ZNF638: variants seen among roughly 807,000 people sequenced by gnomAD.
ZNF638 encodes the protein CTCL tumor antigen se33-1.
ZNF638 carries 46 observed loss-of-function variants against 195.6 expected under a neutral mutation model. The ratio of observed to expected loss-of-function variants is 0.24; its 90% CI spans 0.19 to 0.30. The LOEUF (loss-of-function observed/expected upper bound fraction) is 0.30, where lower values mean the gene tolerates loss of function less well. Ranked by LOEUF, ZNF638 falls within the 10% of genes least tolerant of loss-of-function variation. The pLI is 1.00. For missense variants in ZNF638, 2,440 were observed against 2,325.3 expected, an observed-to-expected ratio of 1.05 and a Z score of -1.01; for synonymous variants, 845 against 772.0, an observed-to-expected ratio of 1.09 and a Z score of -1.57.
chr2:71,345,987 T>C (rs1350292093), intron 1 of ZNF638, among the ~76,000 whole-genome samples: 1 of 152,220 alleles, frequency 6.6e-6, no homozygotes, highest in Non-Finnish European at 1.5e-5. Flanking sequence ...AAATGTGTAC[T>C]TGAATCATTG....
At position 71,426,516 on chromosome 2, in the gene ZNF638, A is replaced by C; in HGVS notation, c.4647A>C (p.Glu1549Asp). The C allele has an allele frequency of 6.2e-7, 1 of 1,610,332 alleles. No individual in the cohort carries two copies. The highest frequency in any genetic ancestry group is 2.2e-5 in the East Asian group (1 of 44,862). Residue 1549 changes from glutamate to aspartate, a missense_variant, in exon 24 of 28, where the codon GAA becomes GAC. Glu to Asp is a conservative substitution (Grantham distance 45, BLOSUM62 2). This residue lies in a region of ZNF638 where 1,883 missense variants were observed against 1,739.1 expected (regional missense o/e 1.08). Coordinates refer to ENST00000264447, the MANE Select transcript of ZNF638 (RefSeq NM_014497.5). Reference protein sequence around the residue: ...DEFVTVDEVIEEVNPSQAKQN... With the variant: ...DEFVTVDEVIDEVNPSQAKQN... ...TTGTTACTGTGGATGAGGTTATAGA[A>C]GAAGTGAATCCTTCTCAGGCCAAGC...
intron 25 of ZNF638, chr2:71,428,872 T>A (rs1253345233): frequency 2.7e-6 from 1 of 366,640 alleles, no homozygotes; most frequent in African/African-American, 2.1e-5. Context: ...GAAATGATCC[T>A]CGAAAGGTTT....
chr2:71,401,994 G>C lies in ZNF638; in HGVS notation c.2736G>C (p.Leu912Phe), dbSNP rs1427741872. 1.2e-6 allele frequency: 2 copies of C among 1,600,994 alleles called. No individual in the cohort carries two copies. The highest frequency in any genetic ancestry group is 1.7e-6 in the Non-Finnish European group (2 of 1,171,790). Residue 912 changes from leucine to phenylalanine, a missense_variant, in exon 16 of 28, where the codon TTG becomes TTC. By Grantham distance (22) the Leu-to-Phe change is conservative. This residue lies in a region of ZNF638 where 1,883 missense variants were observed against 1,739.1 expected (regional missense o/e 1.08). Coordinates refer to ENST00000264447, the MANE Select transcript of ZNF638 (RefSeq NM_014497.5). Reference sequence around the variant, plus strand: ...TGTGTGTGATGCTTGTCTCTAATTTGCCTAATAAAGGATATTCTGTAGAAG... The same window carrying C: ...TGTGTGTGATGCTTGTCTCTAATTTCCCTAATAAAGGATATTCTGTAGAAG... Reference protein sequence around the residue: ...EEMCVMLVSNLPNKGYSVEEV... With the variant: ...EEMCVMLVSNFPNKGYSVEEV...
At chr2:71,422,749 TC>T (rs1245253600) in intron 21 of ZNF638, 64 bp from the exon 22 acceptor site, 1 of 1,501,596 alleles carries the variant, frequency 6.7e-7, no homozygotes, top group African/African-American at 1.4e-5. Context: ...TGAATTCTCA[TC>T]ATAGTTTGAT....
chr2:71,423,183 G>T lies in ZNF638; in HGVS notation c.3669G>T (p.Leu1223Phe). Residue 1223 changes from leucine (L) to phenylalanine (F), a missense_variant, in exon 22 of 28, where the codon TTG becomes TTT. Transcript: ENST00000264447. ...AAATTATTAACCCTAAAACAGCATT[G>T]TTACCATCTGACAGTGTGTTTGCAG... The part of the protein sequence containing the change: ...GAEIINPKTA[L>F]LPSDSVFAEE... 6.2e-7 allele frequency: 1 copy of T among 1,614,076 alleles called. No homozygotes were observed. The highest frequency in any genetic ancestry group is 8.5e-7 in the Non-Finnish European group (1 of 1,179,980).
chr2:71,362,930 C>A (rs1287138338), intron 3 of ZNF638, among the ~76,000 whole-genome samples: 1 of 151,976 alleles, frequency 6.6e-6, no homozygotes, highest in Non-Finnish European at 1.5e-5. Flanking sequence ...ATATGCTGGC[C>A]GGTTTACTTA....
chr2:71,414,095 A>G (rs2080269749), intron 20 of ZNF638, among the ~76,000 whole-genome samples: 1 of 144,894 alleles, frequency 6.9e-6, no homozygotes, highest in South Asian at 2.3e-4. Context: ...TCGGCTGTGA[A>G]TCCATCTGGT....
intron 10 of ZNF638, among the ~76,000 whole-genome samples, chr2:71,389,545 CAA>C (rs2079725697): frequency 6.6e-6 from 1 of 152,116 alleles, no homozygotes; most frequent in Admixed American, 6.5e-5. Context: ...CAACCAGAAT[CAA>C]TTGGCCGGGC....
intron 10 of ZNF638, chr2:71,395,110 T>C: frequency 1.6e-6 from 1 of 627,896 alleles, no homozygotes; most frequent in Non-Finnish European, 2.9e-6. Context: ...CTAAACGCCA[T>C]AGATCTACAT....
chr2:71,408,016 C>A, intron 19 of ZNF638, 106 bp from the exon 20 acceptor site: 1 of 1,011,636 alleles, frequency 9.9e-7, no homozygotes, highest in Admixed American at 2.9e-5. Flanking sequence ...TATCGGCTTT[C>A]ATTCCTTTTA....
Position 71,399,620 on chromosome 2 carries a change from C to T in ZNF638, c.2562C>T (p.Asp854=), listed in dbSNP as rs2079965134. The T allele has an allele frequency of 1.9e-6, 3 of 1,612,410 alleles. No individual in the cohort carries two copies. In the South Asian group the frequency reaches 3.3e-5, roughly 18 times the overall value. The change falls in exon 13 of 28, where the codon GAC becomes GAT. Residue 854 remains aspartate (D), a synonymous_variant. Transcript: ENST00000264447. ...AGACTGGGAATGTCAAAAACAAAGACTCTAACAAACCTGTGACTATACCAG... is the reference window on the plus strand; with the variant it reads ...AGACTGGGAATGTCAAAAACAAAGATTCTAACAAACCTGTGACTATACCAG... The part of the protein sequence containing the change: ...AKKTGNVKNK[D]SNKPVTIPEN...
At chr2:71,350,335 G>GAT (rs1340925316) in intron 2 of ZNF638, 64 bp downstream of exon 2, 2 of 1,483,232 alleles carry the variant, frequency 1.3e-6, no homozygotes, top group East Asian at 4.5e-5. Flanking sequence ...TCTAAATTCT[G>GAT]ATATGTATGC....
intron 2 of ZNF638, among the ~76,000 whole-genome samples, chr2:71,353,990 A>G (rs1385688140): frequency 1.3e-5 from 2 of 152,228 alleles, no homozygotes; most frequent in Non-Finnish European, 2.9e-5. Flanking sequence ...AATCAGTTCC[A>G]TGGCTTAATG....
At chr2:71,361,205 AGC>A (rs1185567964) in intron 3 of ZNF638, among the ~76,000 whole-genome samples, 1 of 152,114 alleles carries the variant, frequency 6.6e-6, no homozygotes, top group East Asian at 1.9e-4. Flanking sequence ...TGCCTACCTC[AGC>A]CTCCCGAAGT....
At chr2:71,334,981 A>C (rs2078640835) in intron 1 of ZNF638, among the ~76,000 whole-genome samples, 1 of 152,086 alleles carries the variant, frequency 6.6e-6, no homozygotes, top group Non-Finnish European at 1.5e-5. Context: ...TTTGGTTTGA[A>C]AAGAAAGTCC....
At chr2:71,354,747 AAAAG>A (rs2078996260) in intron 2 of ZNF638, among the ~76,000 whole-genome samples, 2 of 147,110 alleles carry the variant, frequency 1.4e-5, no homozygotes, top group African/African-American at 5.0e-5. Flanking sequence ...AAAAAAAAAG[AAAAG>A]AAAAAAAAAA....
At chr2:71,361,466 T>C (rs2079108521) in intron 3 of ZNF638, among the ~76,000 whole-genome samples, 1 of 152,268 alleles carries the variant, frequency 6.6e-6, no homozygotes, top group South Asian at 2.1e-4. Context: ...TTTTGTTTGA[T>C]GATTAAAGAT....
chr2:71,352,907 C>A (rs2078966010), intron 2 of ZNF638, among the ~76,000 whole-genome samples: 1 of 152,080 alleles, frequency 6.6e-6, no homozygotes, highest in South Asian at 2.1e-4. Flanking sequence ...TTAGAGCTCA[C>A]CTAGATAGAT....
intron 10 of ZNF638, among the ~76,000 whole-genome samples, chr2:71,389,813 G>A (rs1369840514): frequency 6.6e-6 from 1 of 152,124 alleles, no homozygotes; most frequent in Admixed American, 6.5e-5. Flanking sequence ...TCCCCAGGCC[G>A]CTGATAATCT....
Sources: gnomAD v4.1 joint callset for allele counts (sites outside exome capture counted in the v4.1 genomes callset) on GRCh38, gnomAD v4.1.1 for gene constraint, gnomAD v4.1.1 regional missense constraint, MANE v1.5 for transcripts, NCBI Gene and HGNC (gene_info 2026-07-23, HGNC 2026-07-21) for gene names.